The following ADAMTS20 variants were observed in gnomAD, a reference collection of about 807,000 sequenced individuals.
ADAMTS20 encodes the protein A disintegrin and metalloproteinase with thrombospondin motifs 20.
Under a neutral mutation model 260.1 loss-of-function variants are expected in ADAMTS20, and 225 were observed. That is an observed-to-expected ratio of 0.87 (90% confidence interval 0.78 to 0.97). The LOEUF is 0.97. Ranked by LOEUF, ADAMTS20 falls within the 50% of genes least tolerant of loss-of-function variation. ADAMTS20 has a pLI of 0.00. For synonymous variants in ADAMTS20, 802 were observed against 769.5 expected (o/e 1.04, Z -0.70); for missense variants, 2,400 against 2,337.7 (o/e 1.03, Z -0.55).
At chr12:43,380,139 A>G (rs1228678810) in intron 31 of ADAMTS20, among the ~76,000 whole-genome samples, 5 of 152,226 alleles carry the variant, frequency 3.3e-5, no homozygotes, top group African/African-American at 1.2e-4. Context: ...ATTGTAACAT[A>G]TGAAAGTCAA....
intron 3 of ADAMTS20, among the ~76,000 whole-genome samples, chr12:43,507,383 A>C (rs1032575669): frequency 2.7e-4 from 41 of 152,266 alleles, no homozygotes; most frequent in African/African-American, 8.2e-4. Context: ...TATGATTTGC[A>C]ATGTGGGACT....
chr12:43,408,831 T>C (rs1592053279), intron 28 of ADAMTS20, among the ~76,000 whole-genome samples: 1 of 152,218 alleles, frequency 6.6e-6, no homozygotes, highest in Non-Finnish European at 1.5e-5. Flanking sequence ...TGGAGAGTAG[T>C]AGATGGAATA....
chr12:43,381,608 C>G (rs1250511557), intron 31 of ADAMTS20, among the ~76,000 whole-genome samples: 1 of 125,022 alleles, frequency 8.0e-6, no homozygotes, highest in Non-Finnish European at 1.7e-5. Flanking sequence ...ACAGGGAGAC[C>G]CCATCTCTAC....
At chr12:43,433,386 A>G (rs1941486784) in intron 19 of ADAMTS20, among the ~76,000 whole-genome samples, 2 of 152,200 alleles carry the variant, frequency 1.3e-5, no homozygotes, top group African/African-American at 4.8e-5. Flanking sequence ...TGAGGGCACC[A>G]GTATAACAAA....
At chr12:43,395,687 T>G (rs1940686746) in intron 29 of ADAMTS20, among the ~76,000 whole-genome samples, 1 of 148,200 alleles carries the variant, frequency 6.7e-6, no homozygotes, top group Admixed American at 6.7e-5. Flanking sequence ...CTTTTTTTTT[T>G]TTTTTTTTTT....
chr12:43,405,229 C>CAAAAAA (rs869040570), intron 28 of ADAMTS20, among the ~76,000 whole-genome samples: 45 of 52,754 alleles, frequency 8.5e-4, no homozygotes, highest in African/African-American at 1.2e-3. Flanking sequence ...CTCATCTCTA[C>CAAAAAA]AAAAAAAAAA....
chr12:43,472,829 G>C (rs1332633342), intron 7 of ADAMTS20, among the ~76,000 whole-genome samples: 1 of 150,888 alleles, frequency 6.6e-6, no homozygotes, highest in African/African-American at 2.4e-5. Flanking sequence ...AAGAGCTCCT[G>C]AAGGAAGCGC....
At chr12:43,400,518 G>A (rs1335405755) in intron 28 of ADAMTS20, among the ~76,000 whole-genome samples, 1 of 151,810 alleles carries the variant, frequency 6.6e-6, no homozygotes, top group Non-Finnish European at 1.5e-5. Flanking sequence ...GCCATTCCAT[G>A]CTGCTTAGAG....
chr12:43,428,164 C>A, intron 26 of ADAMTS20, 77 bp downstream of exon 26: 2 of 1,386,778 alleles, frequency 1.4e-6, no homozygotes, highest in Non-Finnish European at 2.0e-6. Context: ...GTACTGATGG[C>A]ATCATATACA....
At chr12:43,457,195 G>C (rs768102337) in intron 11 of ADAMTS20, among the ~76,000 whole-genome samples, 20 of 151,990 alleles carry the variant, frequency 1.3e-4, no homozygotes, top group Non-Finnish European at 2.9e-4. Context: ...CTACACACTT[G>C]GTTTTCTTCC....
intron 3 of ADAMTS20, among the ~76,000 whole-genome samples, chr12:43,520,747 T>C (rs1190529582): frequency 6.6e-6 from 1 of 152,176 alleles, no homozygotes; most frequent in Non-Finnish European, 1.5e-5. Flanking sequence ...TACACAATAA[T>C]GGGCATGGTC....
At chr12:43,368,124 T>C (rs955519350) in intron 37 of ADAMTS20, among the ~76,000 whole-genome samples, 6 of 152,080 alleles carry the variant, frequency 3.9e-5, no homozygotes, top group Non-Finnish European at 7.4e-5. Flanking sequence ...TCCTGTGATC[T>C]CCTCCTACTC....
At chr12:43,377,191 C>A (rs1222534809) in intron 32 of ADAMTS20, among the ~76,000 whole-genome samples, 174 bp downstream of exon 32, 2 of 152,074 alleles carry the variant, frequency 1.3e-5, no homozygotes, top group Non-Finnish European at 2.9e-5. Flanking sequence ...CGAGTTATAG[C>A]AAGCATCGAA....
chr12:43,534,199 C>G (rs989377972), intron 2 of ADAMTS20, among the ~76,000 whole-genome samples: 1 of 136,172 alleles, frequency 7.3e-6, no homozygotes, highest in African/African-American at 2.7e-5. Flanking sequence ...CAACCTACAA[C>G]ATGGGAGAAA....
At chr12:43,502,077 A>AT in intron 4 of ADAMTS20, 75 bp downstream of exon 4, 12 of 1,391,146 alleles carry the variant, frequency 8.6e-6, no homozygotes, top group Non-Finnish European at 1.0e-5. Flanking sequence ...TGGAAAAAAA[A>AT]TTTAATTCGA....
At chr12:43,457,587 A>G (rs1311100965) in intron 11 of ADAMTS20, among the ~76,000 whole-genome samples, 1 of 152,248 alleles carries the variant, frequency 6.6e-6, no homozygotes, top group Non-Finnish European at 1.5e-5. Flanking sequence ...ACCTACTTTT[A>G]CCAAGTTGAT....
At chr12:43,377,675 T>A in intron 31 of ADAMTS20, 113 bp from the exon 32 acceptor site, 1 of 848,892 alleles carries the variant, frequency 1.2e-6, no homozygotes, top group Non-Finnish European at 1.7e-6. Flanking sequence ...CAATCCTATT[T>A]AATTAGCTTC....
chr12:43,406,479 A>G (rs1940922286), intron 28 of ADAMTS20, among the ~76,000 whole-genome samples: 1 of 152,128 alleles, frequency 6.6e-6, no homozygotes, highest in Admixed American at 6.5e-5. Flanking sequence ...AGATTAGTGT[A>G]TGAAACAACA....
Position 43,502,308 on chromosome 12 carries a change from T to C in ADAMTS20, c.711A>G (p.Ser237=), listed in dbSNP as rs1222794443. 3 of 1,612,274 alleles carry C rather than the reference T, an allele frequency of 1.9e-6. No homozygotes were observed. The highest frequency in any genetic ancestry group is 3.3e-4 in the Middle Eastern group (2 of 6,074). The change falls in exon 4 of 39, where the codon TCA becomes TCG. Residue 237 remains serine (S), a synonymous_variant. Transcript: ENST00000389420. The part of the protein sequence containing the change: ...VMKERVLGHT[S]KNVPLKDERR... ...TTTCATCTTTCAATGGTACATTTTT[T>C]GATGTGTGTCCTAAAACTCTTTCTT... is the stretch of plus-strand genomic sequence containing the variant.
Sources: gnomAD v4.1 joint callset for allele counts (sites outside exome capture counted in the v4.1 genomes callset) on GRCh38, gnomAD v4.1.1 for gene constraint, MANE v1.5 for transcripts, NCBI Gene and HGNC (gene_info 2026-07-23, HGNC 2026-07-21) for gene names.